LSAMP: variants seen among roughly 807,000 people sequenced by gnomAD.
LSAMP encodes limbic system associated membrane protein, also known as limbic system-associated membrane protein.
In LSAMP, 7 loss-of-function variants were observed where a neutral mutation model predicts 38.6. The observed-to-expected ratio is 0.18, with a 90% CI of 0.10 to 0.34. The LOEUF (loss-of-function observed/expected upper bound fraction) is 0.34, where lower values mean the gene tolerates loss of function less well. Ranked by LOEUF, LSAMP falls within the 10% of genes least tolerant of loss-of-function variation. The probability of loss-of-function intolerance (pLI) is 1.00; values close to 1 mark genes in which losing one functional copy is unlikely to be tolerated. For synonymous variants in LSAMP, 154 were observed against 166.8 expected (o/e 0.92, Z 0.59); for missense variants, 313 against 420.0 (o/e 0.75, Z 2.23).
chr3:116,021,060 A>C (rs1940624988), intron 2 of LSAMP, among the ~76,000 whole-genome samples: 1 of 152,050 alleles, frequency 6.6e-6, no homozygotes, highest in African/African-American at 2.4e-5. Flanking sequence ...CACAAGGAGG[A>C]AGCAGGATGA....
intron 3 of LSAMP, among the ~76,000 whole-genome samples, chr3:115,952,881 A>G (rs1420170845): frequency 6.6e-6 from 1 of 152,224 alleles, no homozygotes; most frequent in Non-Finnish European, 1.5e-5. Context: ...AAATTATTGT[A>G]ATAGTAAAAA....
At chr3:116,160,714 T>G (rs1709869343) in intron 1 of LSAMP, among the ~76,000 whole-genome samples, 1 of 152,218 alleles carries the variant, frequency 6.6e-6, no homozygotes, top group Non-Finnish European at 1.5e-5. Context: ...CAACACTTGA[T>G]GACTGGTATG....
chr3:116,189,175 C>T (rs1244975180), intron 1 of LSAMP, among the ~76,000 whole-genome samples: 6 of 152,080 alleles, frequency 3.9e-5, no homozygotes, highest in Admixed American at 3.9e-4. Flanking sequence ...TCATTGAAGG[C>T]CACTCTGAGG....
chr3:115,929,219 T>C (rs920384348), intron 3 of LSAMP, among the ~76,000 whole-genome samples: 29 of 151,860 alleles, frequency 1.9e-4, no homozygotes, highest in African/African-American at 7.0e-4. Flanking sequence ...AAAAAACAAA[T>C]AAGAAAACAA....
chr3:116,388,930 C>G (rs960075104), intron 1 of LSAMP, among the ~76,000 whole-genome samples: 1 of 151,934 alleles, frequency 6.6e-6, no homozygotes, highest in Non-Finnish European at 1.5e-5. Flanking sequence ...AAAGATGAGC[C>G]CAATAGAAAA....
chr3:115,929,480 T>C (rs1464412058), intron 3 of LSAMP, among the ~76,000 whole-genome samples: 1 of 152,164 alleles, frequency 6.6e-6, no homozygotes, highest in African/African-American at 2.4e-5. Context: ...TTCCCTTCTT[T>C]AGTTTCTTGG....
At chr3:116,295,698 T>C (rs1278826069) in intron 1 of LSAMP, among the ~76,000 whole-genome samples, 1 of 152,188 alleles carries the variant, frequency 6.6e-6, no homozygotes, top group Non-Finnish European at 1.5e-5. Flanking sequence ...CTTTGTGTCT[T>C]GTGTCTTAAT....
chr3:115,949,885 C>T (rs547020311), intron 3 of LSAMP, among the ~76,000 whole-genome samples: 2 of 152,010 alleles, frequency 1.3e-5, no homozygotes, highest in East Asian at 3.9e-4. Flanking sequence ...AAAGATAATA[C>T]ACCATGATCA....
intron 3 of LSAMP, among the ~76,000 whole-genome samples, chr3:115,867,966 T>C (rs1431884091): frequency 6.6e-6 from 1 of 152,250 alleles, no homozygotes; most frequent in East Asian, 1.9e-4. Context: ...GACAATACAG[T>C]GATAAGCTTT....
At chr3:115,950,956 C>T (rs1938268008) in intron 3 of LSAMP, among the ~76,000 whole-genome samples, 2 of 151,994 alleles carry the variant, frequency 1.3e-5, no homozygotes, top group Non-Finnish European at 2.9e-5. Flanking sequence ...ATAATATTTA[C>T]AGTCAAATAA....
chr3:115,897,884 T>C (rs1475738969), intron 3 of LSAMP, among the ~76,000 whole-genome samples: 1 of 152,084 alleles, frequency 6.6e-6, no homozygotes, highest in African/African-American at 2.4e-5. Context: ...GCAAATTTGG[T>C]ATATGAGAGG....
intron 1 of LSAMP, among the ~76,000 whole-genome samples, chr3:116,345,167 C>T (rs193041677): frequency 5.3e-4 from 80 of 152,130 alleles, no homozygotes; most frequent in Middle Eastern, 3.4e-3. Context: ...TTCCTTAAAA[C>T]CAAATAGTAG....
chr3:116,349,303 G>A (rs924647508), intron 1 of LSAMP, among the ~76,000 whole-genome samples: 1 of 151,898 alleles, frequency 6.6e-6, no homozygotes, highest in East Asian at 1.9e-4. Flanking sequence ...AATTAAGTAT[G>A]ATGTGAAGTC....
In LSAMP at chr3:115,882,058, A is replaced by G. The variant is rs567977607; in HGVS notation, c.515-29441T>C. Among the ~76,000 whole-genome samples the G allele has an allele frequency of 3.9e-5, 6 of 152,266 alleles. No homozygotes were observed. In the South Asian group the frequency reaches 6.2e-4, roughly 16 times the overall value. ...GTGAAGCCCCTTGTCTCAAGGTGAG[A>G]AAACTCTGCAGTGCTATTTACAATA... On this transcript the variant is annotated intron_variant, in intron 3 of 6. Transcript: ENST00000490035.
intron 3 of LSAMP, among the ~76,000 whole-genome samples, chr3:115,983,766 T>A (rs1214277145): frequency 6.6e-6 from 1 of 151,996 alleles, no homozygotes; most frequent in Admixed American, 6.6e-5. Context: ...ACACAGATGA[T>A]TAACACGATA....
chr3:116,206,657 A>G (rs1461768009), intron 1 of LSAMP, among the ~76,000 whole-genome samples: 2 of 151,170 alleles, frequency 1.3e-5, no homozygotes, highest in African/African-American at 2.4e-5. Flanking sequence ...TCATTTCGTT[A>G]TGTATCCAGT....
intron 3 of LSAMP, among the ~76,000 whole-genome samples, chr3:115,922,725 T>C (rs1937410610): frequency 6.6e-6 from 1 of 152,172 alleles, no homozygotes; most frequent in Non-Finnish European, 1.5e-5. Flanking sequence ...TCAGTCAGGC[T>C]GGGGGTTAAG....
At chr3:115,826,287 T>A (rs1376184482) in intron 6 of LSAMP, among the ~76,000 whole-genome samples, 1 of 151,854 alleles carries the variant, frequency 6.6e-6, no homozygotes, top group Non-Finnish European at 1.5e-5. Flanking sequence ...GCTAATTTTT[T>A]GTATTTTTTA....
At chr3:116,329,763 A>C (rs2047824063) in intron 1 of LSAMP, among the ~76,000 whole-genome samples, 1 of 152,170 alleles carries the variant, frequency 6.6e-6, no homozygotes, top group African/African-American at 2.4e-5. Context: ...CAGAATATCT[A>C]ATTTTGGATT....
Sources: gnomAD v4.1 joint callset for allele counts (sites outside exome capture counted in the v4.1 genomes callset) on GRCh38, gnomAD v4.1.1 for gene constraint, MANE v1.5 for transcripts, NCBI Gene and HGNC (gene_info 2026-07-23, HGNC 2026-07-21) for gene names.